The following AFG2A variants were observed in gnomAD, a reference collection of about 807,000 sequenced individuals.
The protein encoded by AFG2A is ATPase family gene 2 protein homolog A.
At chr4:123,057,130 A>G in the AFG2A span, 1 of 1,470,920 alleles carries the variant, frequency 6.8e-7, no homozygotes, top group African/African-American at 1.4e-5. Context: ...TTGGTTCTAA[A>G]TATAGTTTTA....
the AFG2A span, among the ~76,000 whole-genome samples, chr4:123,235,909 CA>C: frequency 1.2e-4 from 18 of 152,214 alleles, no homozygotes; most frequent in South Asian, 3.1e-3. Context: ...GAAAATACCA[CA>C]AATAAAGGAA....
At chr4:123,189,731 C>T in the AFG2A span, among the ~76,000 whole-genome samples, 2 of 151,342 alleles carry the variant, frequency 1.3e-5, no homozygotes, top group Admixed American at 6.6e-5. Context: ...CATTTGCCTA[C>T]AGCCACTTTT....
the AFG2A span, among the ~76,000 whole-genome samples, chr4:122,963,746 GTGAT>G: frequency 2.4e-4 from 36 of 152,222 alleles, no homozygotes; most frequent in East Asian, 6.8e-3. Flanking sequence ...AAATTGAAGG[GTGAT>G]TGATTGAGAG....
the AFG2A span, among the ~76,000 whole-genome samples, chr4:123,308,466 T>A: frequency 1.4e-3 from 207 of 152,204 alleles, 5 homozygotes; most frequent in South Asian, 0.018. Context: ...CCACCTGAGC[T>A]CCACCTCCTG....
the AFG2A span, among the ~76,000 whole-genome samples, chr4:122,982,610 G>C: frequency 1.3e-5 from 2 of 151,956 alleles, no homozygotes; most frequent in Non-Finnish European, 2.9e-5. Flanking sequence ...TAACTTCTCG[G>C]GTCTTGGAGT....
chr4:123,273,834 A>G, the AFG2A span, among the ~76,000 whole-genome samples: 1 of 152,188 alleles, frequency 6.6e-6, no homozygotes, highest in Non-Finnish European at 1.5e-5. Flanking sequence ...TATTATGTAT[A>G]TGCAGATATT....
the AFG2A span, among the ~76,000 whole-genome samples, chr4:123,264,178 A>G: frequency 6.6e-6 from 1 of 152,190 alleles, no homozygotes. Context: ...CAAAGGCATA[A>G]GAATGATACA....
chr4:122,986,304 A>G, the AFG2A span, among the ~76,000 whole-genome samples: 1 of 152,134 alleles, frequency 6.6e-6, no homozygotes, highest in Non-Finnish European at 1.5e-5. Context: ...GTTCCAAGGT[A>G]TAGTTGAAAT....
the AFG2A span, among the ~76,000 whole-genome samples, chr4:123,051,693 C>G: frequency 1.8e-4 from 9 of 50,878 alleles, no homozygotes; most frequent in South Asian, 5.7e-3. Flanking sequence ...GCCTTTATTT[C>G]TGAAGGATAG....
chr4:123,289,824 C>A, the AFG2A span, among the ~76,000 whole-genome samples: 15 of 151,352 alleles, frequency 9.9e-5, 1 homozygote, highest in African/African-American at 3.6e-4. Flanking sequence ...ATTTGTATGT[C>A]TTTTTTTGTG....
At chr4:123,114,760 G>A in the AFG2A span, among the ~76,000 whole-genome samples, 1 of 152,232 alleles carries the variant, frequency 6.6e-6, no homozygotes, top group South Asian at 2.1e-4. Context: ...TCTGCAGAGT[G>A]TGCAGCATTG....
At chr4:122,970,739 C>T in the AFG2A span, among the ~76,000 whole-genome samples, 1 of 151,914 alleles carries the variant, frequency 6.6e-6, no homozygotes, top group Non-Finnish European at 1.5e-5. Flanking sequence ...TAAGTATACT[C>T]TATAATGTTT....
At chr4:123,275,976 A>G in the AFG2A span, among the ~76,000 whole-genome samples, 26 of 152,198 alleles carry the variant, frequency 1.7e-4, no homozygotes, top group African/African-American at 5.1e-4. Context: ...TAGTAGAATG[A>G]TTTATATTCC....
the AFG2A span, among the ~76,000 whole-genome samples, chr4:123,313,189 C>G: frequency 3.3e-5 from 5 of 152,270 alleles, 2 homozygotes; most frequent in South Asian, 1.0e-3. Context: ...TTCCTACTGC[C>G]TCCTCCCTCC....
chr4:123,303,361 CAAAT>C, the AFG2A span, among the ~76,000 whole-genome samples: 7 of 151,830 alleles, frequency 4.6e-5, no homozygotes, highest in Non-Finnish European at 1.0e-4. Flanking sequence ...TCTCCTAAAA[CAAAT>C]AAGTAAATAC....
chr4:122,969,512 T>C, the AFG2A span, among the ~76,000 whole-genome samples: 1 of 152,228 alleles, frequency 6.6e-6, no homozygotes, highest in Non-Finnish European at 1.5e-5. Context: ...GGGTAAGTGA[T>C]ATTTTTTTAA....
At chr4:123,056,029 C>G in the AFG2A span, among the ~76,000 whole-genome samples, 1,222 of 152,296 alleles carry the variant, frequency 8.0e-3, 16 homozygotes, top group African/African-American at 0.028. Flanking sequence ...GTAAGTAGAC[C>G]TGCTTAGAGC....
the AFG2A span, among the ~76,000 whole-genome samples, chr4:122,925,337 C>G: frequency 1.3e-5 from 2 of 152,210 alleles, no homozygotes; most frequent in African/African-American, 4.8e-5. Flanking sequence ...CTTTTCCATT[C>G]TGCAGCCAGA....
chr4:123,265,531 A>G, the AFG2A span, among the ~76,000 whole-genome samples: 1 of 152,142 alleles, frequency 6.6e-6, no homozygotes, highest in Non-Finnish European at 1.5e-5. Flanking sequence ...TGTTTACACC[A>G]AAGCTAATCA....
Sources: allele counts gnomAD v4.1 joint callset (sites outside exome capture counted in the v4.1 genomes callset), GRCh38; gene constraint gnomAD v4.1.1; transcripts MANE v1.5; gene names NCBI Gene and HGNC (gene_info 2026-07-23, HGNC 2026-07-21).